The following PREP variants were observed in gnomAD, a reference collection of about 807,000 sequenced individuals.
The protein encoded by PREP is prolyl endopeptidase.
A neutral mutation model predicts 87.6 loss-of-function variants in PREP; 29 were observed. The ratio of observed to expected loss-of-function variants is 0.33; its 90% CI spans 0.25 to 0.45. The LOEUF is 0.45. PREP is among the 20% of genes least tolerant of loss of function. PREP has a pLI of 1.00. For missense variants in PREP, 695 were observed against 886.5 expected (o/e 0.78, Z 2.74); for synonymous variants, 337 against 328.6 (o/e 1.03, Z -0.28).
At chr6:105,323,281 CACTTAAGTCCAT>C (rs1177492171) in intron 10 of PREP, among the ~76,000 whole-genome samples, 1 of 152,160 alleles carries the variant, frequency 6.6e-6, no homozygotes, top group Non-Finnish European at 1.5e-5. Flanking sequence ...TGACTCACAG[CACTTAAGTCCAT>C]ACTTTACATA....
intron 4 of PREP, 79 bp from the exon 5 acceptor site, chr6:105,373,657 CTCTT>C: frequency 7.5e-7 from 1 of 1,341,024 alleles, no homozygotes; most frequent in Non-Finnish European, 1.0e-6. Flanking sequence ...TAACAAAGCT[CTCTT>C]TCATAACACG....
At chr6:105,379,009 C>T (rs1211295675) in intron 2 of PREP, among the ~76,000 whole-genome samples, 1 of 152,130 alleles carries the variant, frequency 6.6e-6, no homozygotes, top group Non-Finnish European at 1.5e-5. Flanking sequence ...TCATTGATTA[C>T]AATGCATTTA....
chr6:105,323,809 A>T (rs1771080080), intron 9 of PREP, 41 bp from the exon 10 acceptor site: 1 of 1,508,310 alleles, frequency 6.6e-7, no homozygotes, highest in African/African-American at 1.4e-5. Flanking sequence ...TACGGGACTC[A>T]CTAGATTCAA....
rs9486065 is a variant in PREP at position 105,311,394 on chromosome 6, A to G, written c.1317+12271T>C. Among the ~76,000 whole-genome samples the G allele has an allele frequency of 3.3e-3, 501 of 152,054 alleles. 5 individuals are homozygous for G. The highest frequency in any genetic ancestry group is 0.011 in the African/African-American group (476 of 41,442). On this transcript the variant is annotated intron_variant, in intron 10 of 14. Transcript: ENST00000652536. ...TTCTCTTAGGTCCTCTCTGAGACCA[A>G]GTGCTTTGTTCTCAGGGCCTTTGCT...
chr6:105,280,147 T>C (rs1206211062), intron 14 of PREP, among the ~76,000 whole-genome samples: 2 of 152,190 alleles, frequency 1.3e-5, no homozygotes, highest in African/African-American at 2.4e-5. Flanking sequence ...CTTTAGAAAC[T>C]TGGCCGTGTG....
chr6:105,316,125 T>C (rs1453163411), intron 10 of PREP, among the ~76,000 whole-genome samples: 1 of 152,246 alleles, frequency 6.6e-6, no homozygotes, highest in African/African-American at 2.4e-5. Context: ...CTATAGCTTT[T>C]GGCTTATTTT....
At chr6:105,369,093 G>A (rs1403034218) in intron 5 of PREP, 69 bp from the exon 6 acceptor site, 2 of 1,540,166 alleles carry the variant, frequency 1.3e-6, no homozygotes, top group Middle Eastern at 1.7e-4. Context: ...CACCCATATT[G>A]CAGAATGCTA....
chr6:105,374,353 T>C (rs912371211), intron 4 of PREP, among the ~76,000 whole-genome samples: 51 of 152,176 alleles, frequency 3.4e-4, no homozygotes, highest in African/African-American at 1.2e-3. Context: ...ACACCTCCTA[T>C]TGGAGACTCT....
chr6:105,366,639 A>G (rs1772391960), intron 6 of PREP, among the ~76,000 whole-genome samples: 1 of 152,252 alleles, frequency 6.6e-6, no homozygotes. Flanking sequence ...TGTAAACACT[A>G]GCTGCTCACA....
chr6:105,288,972 A>G (rs2114616253), intron 10 of PREP, 78 bp from the exon 11 acceptor site: 3 of 1,414,158 alleles, frequency 2.1e-6, no homozygotes, highest in South Asian at 2.5e-5. Flanking sequence ...GAAAAATAGT[A>G]AATTCTCTCT....
chr6:105,322,130 GAAA>G (rs1771027344), intron 10 of PREP: 1 of 230,704 alleles, frequency 4.3e-6, no homozygotes, highest in Non-Finnish European at 7.1e-6. Context: ...ACAGATGTTA[GAAA>G]ATTGGTATAG....
intron 2 of PREP, among the ~76,000 whole-genome samples, chr6:105,382,312 C>CACACACACACAA (rs1463911418): frequency 1.4e-5 from 2 of 144,820 alleles, no homozygotes; most frequent in Admixed American, 6.8e-5. Flanking sequence ...CACACACACA[C>CACACACACACAA]AAAGTATGTG....
chr6:105,392,225 A>G lies in PREP; in HGVS notation c.120+5628T>C, dbSNP rs553751827. On this transcript the variant is annotated intron_variant, in intron 2 of 14. Transcript: ENST00000652536. ...GGCTAATTTTATGTATTTTTAGTACAGATGGGGTTTCACTGTATTAGCCAG... is the reference window on the plus strand; with the variant it reads ...GGCTAATTTTATGTATTTTTAGTACGGATGGGGTTTCACTGTATTAGCCAG... 5.9e-5 allele frequency among the ~76,000 whole-genome samples: 9 copies of G among 152,170 alleles called. No homozygotes were observed. In the South Asian group the frequency reaches 1.2e-3, roughly 21 times the overall value.
intron 6 of PREP, 152 bp downstream of exon 6, chr6:105,368,751 T>G: frequency 1.1e-6 from 1 of 890,910 alleles, no homozygotes; most frequent in East Asian, 2.6e-5. Context: ...CCTCCATTAT[T>G]AAGAGTCAAT....
intron 12 of PREP, among the ~76,000 whole-genome samples, chr6:105,284,087 G>T (rs1046148101): frequency 3.9e-5 from 6 of 152,202 alleles, no homozygotes; most frequent in South Asian, 2.1e-4. Context: ...ATGGTATACA[G>T]AAATTTTATC....
intron 10 of PREP, among the ~76,000 whole-genome samples, chr6:105,319,949 T>C (rs1022400869): frequency 1.3e-5 from 2 of 152,232 alleles, no homozygotes; most frequent in Admixed American, 1.3e-4. Flanking sequence ...GTACCTGGCG[T>C]TGCATATCAT....
In PREP at chr6:105,377,346, C is replaced by T. The variant is rs368800221; in HGVS notation, c.254+40G>A. 8.3e-6 allele frequency: 13 copies of T among 1,563,676 alleles called. No homozygotes were observed. The African/African-American group carries it at 1.8e-4, about 22-fold the overall frequency. On this transcript the variant is annotated intron_variant, in intron 3 of 14. Coordinates refer to ENST00000652536, the MANE Select transcript of PREP (RefSeq NM_002726.5). The stretch of plus-strand genomic sequence containing the variant: ...ATTTTACAATTTAAGAAAGCATTTA[C>T]TTTGAAAATAAAAAGGAAATTCAGT...
In PREP at chr6:105,274,172, TCA is replaced by T. The variant is rs1209564689; in HGVS notation, c.*3970_*3971del. ...GTTGTCAACAACAGAAATTGCTCTC[TCA>T]CAGTCCTAGAGTCTGGGACATCTAA... is the stretch of plus-strand genomic sequence containing the variant. On this transcript the variant is annotated 3_prime_UTR_variant, in exon 15 of 15. Coordinates refer to ENST00000652536, the MANE Select transcript of PREP (RefSeq NM_002726.5). Among the ~76,000 whole-genome samples, 1 of 152,164 alleles carries T rather than the reference TCA, an allele frequency of 6.6e-6. No homozygotes were observed. Among genetic ancestry groups the T allele is most frequent in the Non-Finnish European group, 1.5e-5 (1 of 68,032 alleles).
At position 105,337,520 on chromosome 6, in the gene PREP, T is replaced by A. The variant is rs184825363; in HGVS notation, c.824-4015A>T. ...AAGTTTCCTTACTGTTCACTCCCCA[T>A]CCCCAGCCTCTCCACTGGCAAGTTT... On this transcript the variant is annotated intron_variant, in intron 7 of 14. Transcript: ENST00000652536. 1.6e-3 allele frequency among the ~76,000 whole-genome samples: 238 copies of A among 152,222 alleles called. 1 individual carries two copies. Among genetic ancestry groups the A allele is most frequent in the African/African-American group, 5.5e-3 (227 of 41,542 alleles).
Sources: allele counts gnomAD v4.1 joint callset (sites outside exome capture counted in the v4.1 genomes callset), GRCh38; gene constraint gnomAD v4.1.1; transcripts MANE v1.5; gene names NCBI Gene and HGNC (gene_info 2026-07-23, HGNC 2026-07-21).